The following CFDP1 variants were observed in gnomAD, a reference collection of about 807,000 sequenced individuals.
CFDP1 encodes the protein chromatin remodeling protein CFDP1.
CFDP1 carries 31 observed loss-of-function variants against 40.1 expected under a neutral mutation model. That is an observed-to-expected ratio of 0.77 (90% CI 0.58 to 1.04). The LOEUF (loss-of-function observed/expected upper bound fraction) is 1.04. CFDP1 is among the 50% of genes least tolerant of loss of function. The probability of loss-of-function intolerance (pLI) is 0.00; values close to 1 mark genes in which losing one functional copy is unlikely to be tolerated. For synonymous variants in CFDP1, 167 were observed against 120.0 expected (o/e 1.39, Z -2.56); for missense variants, 423 against 343.4 (o/e 1.23, Z -1.83).
At chr16:75,422,525 C>G (rs11648176) in intron 1 of CFDP1, among the ~76,000 whole-genome samples, 78,565 of 150,996 alleles carry the variant, frequency 0.52, 21,445 homozygotes, top group Admixed American at 0.64. Flanking sequence ...CTCACGAATA[C>G]CTGAGACTAC....
At chr16:75,397,480 C>A (rs1474348788) in intron 4 of CFDP1, among the ~76,000 whole-genome samples, 2 of 150,482 alleles carry the variant, frequency 1.3e-5, no homozygotes, top group Non-Finnish European at 3.0e-5. Context: ...CACTCCAGCC[C>A]TGACAACAGA....
At chr16:75,418,893 C>T (rs904427540) in intron 1 of CFDP1, 4 of 160,194 alleles carry the variant, frequency 2.5e-5, no homozygotes, top group Admixed American at 1.2e-4. Flanking sequence ...CCTTAGGAGG[C>T]CAAGGTGGGT....
At chr16:75,352,007 CAAAAAAAAAA>C (rs3975153) in intron 5 of CFDP1, among the ~76,000 whole-genome samples, 78 of 86,758 alleles carry the variant, frequency 9.0e-4, no homozygotes, top group African/African-American at 1.8e-3. Context: ...GACTCTGTCT[CAAAAAAAAAA>C]AAAAAAAAAA....
At chr16:75,394,898 C>A in intron 5 of CFDP1, 192 bp downstream of exon 5, 1 of 625,778 alleles carries the variant, frequency 1.6e-6, no homozygotes, top group Non-Finnish European at 2.5e-6. Context: ...TGGGTTCAAG[C>A]AATCCTCCTG....
In CFDP1 at chr16:75,412,656, G is replaced by A. The variant is rs778505819; in HGVS notation, c.281C>T (p.Ala94Val). 1.5e-5 allele frequency: 25 copies of A among 1,613,888 alleles called. No homozygotes were observed. The Admixed American group carries it at 3.5e-4, about 23-fold the overall frequency. ...TGATCCAATGCCTTTTTCCTGCTCT[G>A]CAGCGTCATCTTCCTCCTCACTACT... Reference protein sequence around the residue: ...GSSSEEEDDAAEQEKGIGSED... With the variant: ...GSSSEEEDDAVEQEKGIGSED... Residue 94 changes from alanine (A) to valine (V), a missense_variant, in exon 3 of 7, where the codon GCA becomes GTA. Transcript: ENST00000283882.
At chr16:75,426,128 A>G (rs2079340523) in intron 1 of CFDP1, among the ~76,000 whole-genome samples, 1 of 149,934 alleles carries the variant, frequency 6.7e-6, no homozygotes, top group South Asian at 2.1e-4. Context: ...AGGTGGGCGG[A>G]TCACCTGAGG....
At chr16:75,322,934 G>A (rs1427319851) in intron 5 of CFDP1, among the ~76,000 whole-genome samples, 1 of 152,208 alleles carries the variant, frequency 6.6e-6, no homozygotes, top group South Asian at 2.1e-4. Flanking sequence ...GTGAGTGAGT[G>A]GTGAGTGAAT....
chr16:75,394,461 CCTCT>C (rs2078979252), intron 5 of CFDP1, among the ~76,000 whole-genome samples: 2 of 152,112 alleles, frequency 1.3e-5, no homozygotes, highest in African/African-American at 4.8e-5. Flanking sequence ...TTTTTATGTT[CCTCT>C]AAGATCACAG....
intron 5 of CFDP1, among the ~76,000 whole-genome samples, chr16:75,337,509 A>G (rs1178884964): frequency 6.6e-6 from 1 of 152,206 alleles, no homozygotes; most frequent in Non-Finnish European, 1.5e-5. Flanking sequence ...CCGTTCTCAC[A>G]CTGGTATCAA....
chr16:75,385,202 G>A (rs1225998082), intron 5 of CFDP1, among the ~76,000 whole-genome samples: 1 of 151,966 alleles, frequency 6.6e-6, no homozygotes, highest in Non-Finnish European at 1.5e-5. Flanking sequence ...GGCCAAGGTA[G>A]TAACTGACGT....
At chr16:75,301,536 C>CTTTTTTTTTTTTTTTT (rs546724752) in intron 6 of CFDP1, among the ~76,000 whole-genome samples, 3 of 53,964 alleles carry the variant, frequency 5.6e-5, no homozygotes, top group African/African-American at 1.4e-4. Flanking sequence ...TTTGTTGTGT[C>CTTTTTTTTTTTTTTTT]TTTTTTTTTT....
chr16:75,390,072 G>T (rs1163986801), intron 5 of CFDP1, among the ~76,000 whole-genome samples: 1 of 152,216 alleles, frequency 6.6e-6, no homozygotes, highest in African/African-American at 2.4e-5. Flanking sequence ...GTTCCATCAG[G>T]GCTTTCAAAG....
intron 5 of CFDP1, chr16:75,305,397 C>A: frequency 1.9e-6 from 1 of 529,424 alleles, no homozygotes; most frequent in East Asian, 3.2e-5. Flanking sequence ...TGTCTGCTCT[C>A]CTGAGCTACG....
chr16:75,392,582 C>A (rs1192460112), intron 5 of CFDP1, among the ~76,000 whole-genome samples: 3 of 152,200 alleles, frequency 2.0e-5, no homozygotes, highest in Non-Finnish European at 4.4e-5. Flanking sequence ...ACTTCGACCT[C>A]TGCCTCCTGG....
At chr16:75,413,510 G>A (rs2079180106) in intron 2 of CFDP1, among the ~76,000 whole-genome samples, 1 of 134,392 alleles carries the variant, frequency 7.4e-6, no homozygotes, top group Admixed American at 8.5e-5. Flanking sequence ...CAGAGATCAC[G>A]CCACTGCACT....
At chr16:75,428,325 T>C (rs927675418) in intron 1 of CFDP1, among the ~76,000 whole-genome samples, 1 of 152,096 alleles carries the variant, frequency 6.6e-6, no homozygotes, top group Non-Finnish European at 1.5e-5. Context: ...TATAAAAATA[T>C]TCAAAGTTGG....
At chr16:75,411,034 C>A (rs1023360810) in intron 4 of CFDP1, among the ~76,000 whole-genome samples, 4 of 151,736 alleles carry the variant, frequency 2.6e-5, no homozygotes, top group Non-Finnish European at 5.9e-5. Flanking sequence ...GCCTGGCCAA[C>A]ATGGCGAAAC....
Position 75,305,145 on chromosome 16 carries a change from T to C in CFDP1, c.688A>G (p.Lys230Glu). ...RSSGMSSLLG[K>E]IGAKKQKMST... ...ATTTTCTGCTTCTTGGCACCAATTT[T>C]CCCCAAAAGGCTGCTCATGCCACTT... The change falls in exon 6 of 7, where the codon AAA (lysine) becomes GAA (glutamate). Residue 230 changes from lysine to glutamate, a missense_variant. Coordinates refer to ENST00000283882, the MANE Select transcript of CFDP1 (RefSeq NM_006324.3). 1 of 1,614,132 alleles carries C rather than the reference T, an allele frequency of 6.2e-7. No homozygotes were observed. The highest frequency in any genetic ancestry group is 1.1e-5 in the South Asian group (1 of 91,080).
At chr16:75,376,802 C>T (rs1230038293) in intron 5 of CFDP1, among the ~76,000 whole-genome samples, 2 of 152,192 alleles carry the variant, frequency 1.3e-5, no homozygotes, top group Non-Finnish European at 2.9e-5. Flanking sequence ...GTCAGTTTAC[C>T]ATTGGTATGA....
Sources: allele counts gnomAD v4.1 joint callset (sites outside exome capture counted in the v4.1 genomes callset), GRCh38; gene constraint gnomAD v4.1.1; transcripts MANE v1.5; gene names NCBI Gene and HGNC (gene_info 2026-07-23, HGNC 2026-07-21).